Variants in FGD6 observed in about 807,000 individuals in gnomAD.
FGD6 encodes the protein FYVE, RhoGEF and PH domain containing 6.
FGD6 carries 90 observed loss-of-function variants against 149.4 expected under a neutral mutation model. The ratio of observed to expected loss-of-function variants is 0.60; its 90% CI spans 0.51 to 0.72. The LOEUF (loss-of-function observed/expected upper bound fraction) is 0.72. Ranked by LOEUF, FGD6 falls within the 30% of genes least tolerant of loss-of-function variation. The pLI is 0.00. For synonymous variants in FGD6, 527 were observed against 584.0 expected (o/e 0.90, Z 1.41); for missense variants, 1,437 against 1,684.8 (o/e 0.85, Z 2.57).
intron 17 of FGD6, among the ~76,000 whole-genome samples, chr12:95,091,287 T>C (rs1878046771): frequency 6.6e-6 from 1 of 152,150 alleles, no homozygotes; most frequent in Non-Finnish European, 1.5e-5. Flanking sequence ...CAGATGTACA[T>C]TAACATCTCA....
At chr12:95,172,835 GCAAA>G in intron 2 of FGD6, 91 bp from the exon 3 acceptor site, 1 of 1,074,214 alleles carries the variant, frequency 9.3e-7, no homozygotes, top group Non-Finnish European at 1.3e-6. Flanking sequence ...TCTTCATAAT[GCAAA>G]CAAGATATAT....
chr12:95,145,317 C>T (rs148399340), intron 5 of FGD6, among the ~76,000 whole-genome samples: 2 of 152,122 alleles, frequency 1.3e-5, no homozygotes, highest in East Asian at 1.9e-4. Flanking sequence ...AGTAAGCACT[C>T]GGCAAAGATT....
At chr12:95,123,811 C>G (rs893682077) in intron 8 of FGD6, among the ~76,000 whole-genome samples, 5 of 152,178 alleles carry the variant, frequency 3.3e-5, no homozygotes, top group Admixed American at 6.5e-5. Context: ...ATCCACCCGC[C>G]TCGGCCTCCC....
chr12:95,153,950 T>TGTGTGTGA (rs796248785), intron 3 of FGD6, among the ~76,000 whole-genome samples: 7,340 of 140,962 alleles, frequency 0.052, 321 homozygotes, highest in Non-Finnish European at 0.066. Context: ...TGTGTGTGAG[T>TGTGTGTGA]GAGAGAGAGA....
chr12:95,149,513 T>C (rs1487000864), intron 5 of FGD6, among the ~76,000 whole-genome samples: 1 of 137,584 alleles, frequency 7.3e-6, no homozygotes, highest in Non-Finnish European at 1.5e-5. Context: ...TAGTATATTA[T>C]ATATAGTTTT....
intron 3 of FGD6, among the ~76,000 whole-genome samples, chr12:95,159,824 C>A (rs1880584304): frequency 6.6e-6 from 1 of 152,016 alleles, no homozygotes; most frequent in Middle Eastern, 3.4e-3. Context: ...CATAGCAAGA[C>A]CCTGTCTTTA....
intron 2 of FGD6, among the ~76,000 whole-genome samples, chr12:95,196,216 G>T (rs1033572451): frequency 5.3e-5 from 8 of 152,208 alleles, no homozygotes; most frequent in Non-Finnish European, 8.8e-5. Flanking sequence ...AAATCAGTTT[G>T]GCTCTACAGA....
intron 2 of FGD6, among the ~76,000 whole-genome samples, chr12:95,191,117 A>T (rs1592870716): frequency 6.6e-6 from 1 of 152,184 alleles, no homozygotes; most frequent in Non-Finnish European, 1.5e-5. Context: ...TGAGTAGCAC[A>T]TTTAGATATG....
chr12:95,089,409 C>A (rs1877977616), intron 18 of FGD6, among the ~76,000 whole-genome samples, 160 bp downstream of exon 18: 1 of 152,194 alleles, frequency 6.6e-6, no homozygotes, highest in South Asian at 2.1e-4. Flanking sequence ...GGAGACCAAG[C>A]AAGATTGTGA....
intron 17 of FGD6, 136 bp from the exon 18 acceptor site, chr12:95,089,832 G>A: frequency 1.8e-6 from 2 of 1,116,280 alleles, no homozygotes; most frequent in East Asian, 5.0e-5. Flanking sequence ...TCCTGGAAAA[G>A]GACAATGGAT....
At chr12:95,189,687 C>T (rs1463893913) in intron 2 of FGD6, 1 of 148,302 alleles carries the variant, frequency 6.7e-6, no homozygotes, top group African/African-American at 2.5e-5. Flanking sequence ...CTAGTAAGGT[C>T]ATATTCAAGA....
intron 3 of FGD6, among the ~76,000 whole-genome samples, chr12:95,164,206 G>A (rs1050296332): frequency 6.7e-6 from 1 of 150,368 alleles, no homozygotes; most frequent in Non-Finnish European, 1.5e-5. Context: ...ATCTCTTGAC[G>A]CTAGCCCAGC....
intron 14 of FGD6, among the ~76,000 whole-genome samples, chr12:95,102,865 T>C (rs976545575): frequency 1.3e-5 from 2 of 152,244 alleles, no homozygotes. Flanking sequence ...GATGTGTTAT[T>C]GAACCTCTCT....
At chr12:95,197,274 C>T (rs1881757043) in intron 2 of FGD6, among the ~76,000 whole-genome samples, 1 of 151,956 alleles carries the variant, frequency 6.6e-6, no homozygotes, top group African/African-American at 2.4e-5. Flanking sequence ...TCCGTCTCTA[C>T]TAAAAATACA....
At position 95,209,159 on chromosome 12, in the gene FGD6, C is replaced by G. The variant is rs758845349; in HGVS notation, c.2125G>C (p.Gly709Arg). The G allele has an allele frequency of 1.2e-6, 2 of 1,613,966 alleles. No individual in the cohort carries two copies. The highest frequency in any genetic ancestry group is 4.5e-5 in the East Asian group (2 of 44,888). The part of the protein sequence containing the change: ...ESQKKRKKSR[G>R]QTSAANGLRA... ...AGACCATTAGCTGCACTGGTCTGGCCCCGAGACTTCTTCCTCTTCTTTTGA... is the reference window on the plus strand; with the variant it reads ...AGACCATTAGCTGCACTGGTCTGGCGCCGAGACTTCTTCCTCTTCTTTTGA... The change falls in exon 2 of 21, where the codon GGC (glycine) becomes CGC (arginine). Residue 709 changes from glycine (G) to arginine (R), a missense_variant. This residue lies in a region of FGD6 where 1,055 missense variants were observed against 1,146.0 expected (regional missense o/e 0.92). Coordinates refer to ENST00000343958, the MANE Select transcript of FGD6 (RefSeq NM_018351.4).
chr12:95,194,217 G>A (rs1378129436), intron 2 of FGD6, among the ~76,000 whole-genome samples: 1 of 151,160 alleles, frequency 6.6e-6, no homozygotes, highest in Non-Finnish European at 1.5e-5. Flanking sequence ...GAGCCACTGT[G>A]CCTGGCTGTG....
At chr12:95,137,090 C>A (rs1236657445) in intron 7 of FGD6, among the ~76,000 whole-genome samples, 1 of 152,092 alleles carries the variant, frequency 6.6e-6, no homozygotes, top group Non-Finnish European at 1.5e-5. Context: ...CCAGCCTGGC[C>A]AATGTGGTGA....
chr12:95,185,018 C>T (rs1881389411), intron 2 of FGD6, among the ~76,000 whole-genome samples: 1 of 152,000 alleles, frequency 6.6e-6, no homozygotes, highest in African/African-American at 2.4e-5. Flanking sequence ...GGATGACAGG[C>T]GCCAGCCACC....
At chr12:95,179,270 G>A (rs1275179733) in intron 2 of FGD6, among the ~76,000 whole-genome samples, 1 of 151,918 alleles carries the variant, frequency 6.6e-6, no homozygotes, top group East Asian at 1.9e-4. Context: ...TGTGGGGGGT[G>A]GGGGTGATTG....
Sources: gnomAD v4.1 joint callset for allele counts (sites outside exome capture counted in the v4.1 genomes callset) on GRCh38, gnomAD v4.1.1 for gene constraint, gnomAD v4.1.1 regional missense constraint, MANE v1.5 for transcripts, NCBI Gene and HGNC (gene_info 2026-07-23, HGNC 2026-07-21) for gene names.